The following HAP1 variants were observed in gnomAD, a reference collection of about 807,000 sequenced individuals.
HAP1 encodes the protein huntingtin associated protein 1, also known as huntingtin-associated protein 1.
In HAP1, 59 loss-of-function variants were observed where a neutral mutation model predicts 60.3. The ratio of observed to expected loss-of-function variants is 0.98; its 90% CI spans 0.79 to 1.22. The LOEUF (loss-of-function observed/expected upper bound fraction) is 1.22, where lower values mean the gene tolerates loss of function less well. HAP1 is among the 50% of genes most tolerant of loss of function. The pLI is 0.00. For missense variants in HAP1, 825 were observed against 785.3 expected, an observed-to-expected ratio of 1.05 and a Z score of -0.60; for synonymous variants, 346 against 330.6, an observed-to-expected ratio of 1.05 and a Z score of -0.50.
At chr17:41,733,673 G>A (rs1000029559) in intron 1 of HAP1, among the ~76,000 whole-genome samples, 2 of 152,050 alleles carry the variant, frequency 1.3e-5, no homozygotes, top group African/African-American at 2.4e-5. Context: ...CGACCCGCAG[G>A]AGGATAGGAG....
At chr17:41,717,771 C>A (rs964635420), downstream of HAP1, 1 of 277,528 alleles carries the variant, frequency 3.6e-6, no homozygotes, top group South Asian at 3.4e-5. Context: ...GTCTGCCTCT[C>A]GGGCAAAACA....
downstream of HAP1, among the ~76,000 whole-genome samples, chr17:41,718,554 A>G (rs1567775389): frequency 6.6e-6 from 1 of 152,206 alleles, no homozygotes. Flanking sequence ...CCCAAGCTCC[A>G]GCCTAGGTTA....
At position 41,725,856 on chromosome 17, in the gene HAP1, T is replaced by A; in HGVS notation, c.1406+3A>T. 2.5e-6 allele frequency: 4 copies of A among 1,611,638 alleles called. No individual in the cohort carries two copies. Among genetic ancestry groups the A allele is most frequent in the Non-Finnish European group, 3.4e-6 (4 of 1,177,728 alleles). ...GTTGTAGGGGAGCCCCTGGCAGGCT[T>A]ACCTTAGGCTGGATGTGTCCCCTCT... On this transcript the variant is annotated splice_donor_region_variant and intron_variant, in intron 10 of 10. Coordinates refer to ENST00000347901, the MANE Select transcript of HAP1 (RefSeq NM_177977.3).
At chr17:41,725,283 A>C (rs1911545416) in intron 10 of HAP1, 129 bp from the exon 11 acceptor site, 2 of 747,824 alleles carry the variant, frequency 2.7e-6, no homozygotes, top group Non-Finnish European at 4.2e-6. Context: ...GAGGGGAGCT[A>C]GGTACCAGCT....
intron 7 of HAP1, 39 bp downstream of exon 7, chr17:41,728,162 G>C (rs1479016741): frequency 6.2e-7 from 1 of 1,602,362 alleles, no homozygotes; most frequent in African/African-American, 1.3e-5. Flanking sequence ...AGGGTCCCAT[G>C]GGGCCACGAC....
At chr17:41,717,923 G>T, downstream of HAP1, 1 of 454,392 alleles carries the variant, frequency 2.2e-6, no homozygotes, top group Non-Finnish European at 4.7e-6. Flanking sequence ...TTCCATCATT[G>T]TTCTTGTGCC....
intron 6 of HAP1, among the ~76,000 whole-genome samples, chr17:41,731,211 T>G (rs928721648): frequency 2.0e-5 from 3 of 152,190 alleles, no homozygotes. Flanking sequence ...GTGCCTGGCC[T>G]GAGACCCACA....
chr17:41,732,893 A>T, intron 1 of HAP1, 95 bp from the exon 2 acceptor site: 1 of 785,002 alleles, frequency 1.3e-6, no homozygotes, highest in Non-Finnish European at 2.3e-6. Flanking sequence ...TCCTATCGTC[A>T]GTTCTCCAAC....
downstream of HAP1, among the ~76,000 whole-genome samples, chr17:41,719,243 G>A (rs1290147237): frequency 2.6e-5 from 4 of 152,136 alleles, no homozygotes; most frequent in East Asian, 7.7e-4. Context: ...CTCCCAAAGT[G>A]CTGGGATTCT....
chr17:41,719,081 C>T (rs1473983975), downstream of HAP1, among the ~76,000 whole-genome samples: 8 of 152,124 alleles, frequency 5.3e-5, no homozygotes, highest in Non-Finnish European at 1.5e-5. Flanking sequence ...CAGGTTCAAG[C>T]GATTCTCCTG....
chr17:41,718,544 C>T (rs1911072612), downstream of HAP1, among the ~76,000 whole-genome samples: 1 of 151,304 alleles, frequency 6.6e-6, no homozygotes, highest in Non-Finnish European at 1.5e-5. Flanking sequence ...GGTCCAGGCC[C>T]CCAAGCTCCA....
Position 41,724,757 on chromosome 17 carries a change from G to A in HAP1, c.1804C>T (p.Pro602Ser). 2 of 1,603,958 alleles carry A rather than the reference G, an allele frequency of 1.2e-6. No homozygotes were observed. Among genetic ancestry groups the A allele is most frequent in the African/African-American group, 2.7e-5 (2 of 74,912 alleles). ...RWKMLQKGEC[P>S]HGALPAASRT... is the part of the protein sequence containing the mutation. ...CTGGCGGCAGGGAGGGCCCCGTGGG[G>A]GCACTCACCTTTCTGGAGCATCTTC... Residue 602 changes from proline to serine, a missense_variant, in exon 11 of 11, where the codon CCC becomes TCC. By Grantham distance (74) the Pro-to-Ser change is moderately conservative (BLOSUM62 -1). Coordinates refer to ENST00000347901, the MANE Select transcript of HAP1 (RefSeq NM_177977.3).
chr17:41,724,473 G>C lies in HAP1; in HGVS notation c.*228C>G. 1 of 553,946 alleles carries C rather than the reference G, an allele frequency of 1.8e-6. No homozygotes were observed. The highest frequency in any genetic ancestry group is 3.2e-6 in the Non-Finnish European group (1 of 310,858). The allele number at this position is 553,946 out of a possible 1,614,324, so 34.3% of individuals were successfully genotyped here. A position where few individuals can be genotyped will look rare whatever the true frequency, so the allele number is the denominator to read the frequency against. Reference sequence around the variant, plus strand: ...AGATGGGAAGCTGAGGCGCAGTGTGGGGGCACAGTCCCAGCCCTAACCCCC... The same window carrying C: ...AGATGGGAAGCTGAGGCGCAGTGTGCGGGCACAGTCCCAGCCCTAACCCCC... On this transcript the variant is annotated 3_prime_UTR_variant, in exon 11 of 11. Transcript: ENST00000347901.
In HAP1 at chr17:41,731,761, G is replaced by T; in HGVS notation, c.897-18C>A. 6.4e-7 allele frequency: 1 copy of T among 1,574,130 alleles called. No individual in the cohort carries two copies. Among genetic ancestry groups the T allele is most frequent in the Non-Finnish European group, 8.7e-7 (1 of 1,144,432 alleles). On this transcript the variant is annotated intron_variant, in intron 4 of 10. Transcript: ENST00000347901. Reference sequence around the variant, plus strand: ...GCGAAATCCTAGGGGAGGGAGGAATGGGAGTCAGGGTGCAGGGAGTGGGGC... The same window carrying T: ...GCGAAATCCTAGGGGAGGGAGGAATTGGAGTCAGGGTGCAGGGAGTGGGGC...
At chr17:41,719,022 A>C (rs930416294), downstream of HAP1, among the ~76,000 whole-genome samples, 1 of 152,176 alleles carries the variant, frequency 6.6e-6, no homozygotes, top group Non-Finnish European at 1.5e-5. Context: ...TCTGTCACCC[A>C]GGCTGGATTG....
intron 1 of HAP1, among the ~76,000 whole-genome samples, chr17:41,733,458 G>C (rs988691282): frequency 1.4e-5 from 2 of 147,104 alleles, no homozygotes; most frequent in African/African-American, 2.5e-5. Context: ...GGTCCCTGGC[G>C]CCTAGAATGG....
downstream of HAP1, among the ~76,000 whole-genome samples, chr17:41,718,810 C>G (rs1332896925): frequency 6.6e-6 from 1 of 152,186 alleles, no homozygotes; most frequent in African/African-American, 2.4e-5. Flanking sequence ...TGAGGGTAAC[C>G]TTACGTCCAC....
rs1911702943 is a variant in HAP1 at position 41,727,083 on chromosome 17, A to G, written c.1337T>C (p.Met446Thr). ...AEELRTSLRR[M>T]ISDPVYFMER... ...CATAAAATACACAGGGTCTGAGATC[A>G]TCCTCCTTAGAGACGTTCTGAGCTC... is the stretch of plus-strand genomic sequence containing the variant. Residue 446 changes from methionine to threonine, a missense_variant, in exon 9 of 11, where the codon ATG becomes ACG. Met to Thr is a moderately conservative substitution (Grantham distance 81). Coordinates refer to ENST00000347901, the MANE Select transcript of HAP1 (RefSeq NM_177977.3). 2 of 1,583,102 alleles carry G rather than the reference A, an allele frequency of 1.3e-6. No individual in the cohort carries two copies. The highest frequency in any genetic ancestry group is 2.7e-5 in the African/African-American group (2 of 74,664).
In HAP1 at chr17:41,732,232, C is replaced by T. The variant is rs1912270313; in HGVS notation, c.712G>A (p.Glu238Lys). ...TCCTCTCCTCCCCACCCGGTTACCT[C>T]CTCCTTGGCTGAGCCCAGCAGGGCT... ...LEALLGSAKE[E>K]ILYLRHQVNL... is the part of the protein sequence containing the mutation. Residue 238 changes from glutamate (E) to lysine (K), a missense_variant and splice_region_variant, in exon 3 of 11, where the codon GAG (glutamate) becomes AAG (lysine). Transcript: ENST00000347901. The T allele has an allele frequency of 6.2e-7, 1 of 1,614,092 alleles. No homozygotes were observed. Among genetic ancestry groups the T allele is most frequent in the South Asian group, 1.1e-5 (1 of 91,076 alleles).
Sources: gnomAD v4.1 joint callset for allele counts (sites outside exome capture counted in the v4.1 genomes callset) on GRCh38, gnomAD v4.1.1 for gene constraint, MANE v1.5 for transcripts, NCBI Gene and HGNC (gene_info 2026-07-23, HGNC 2026-07-21) for gene names.